Variants in GTF2IRD1 observed in about 807,000 individuals in gnomAD.
GTF2IRD1 encodes the protein general transcription factor II-I repeat domain-containing protein 1.
Under a neutral mutation model 113.2 loss-of-function variants are expected in GTF2IRD1, and 26 were observed. The observed-to-expected ratio is 0.23, with a 90% CI of 0.17 to 0.32. The LOEUF (loss-of-function observed/expected upper bound fraction) is 0.32. Among genes scored for constraint, GTF2IRD1 ranks in the 10% least tolerant of loss-of-function variants. The pLI is 1.00. For synonymous variants in GTF2IRD1, 484 were observed against 529.1 expected (o/e 0.91, Z 1.17); for missense variants, 864 against 1,280.8 (o/e 0.67, Z 4.97).
At chr7:74,596,375 G>A (rs1201374031) in intron 25 of GTF2IRD1, among the ~76,000 whole-genome samples, 4 of 149,734 alleles carry the variant, frequency 2.7e-5, no homozygotes, top group Admixed American at 1.4e-4. Context: ...TAGGAGGATC[G>A]CTTGAACCTA....
chr7:74,541,239 C>G (rs1669094392), intron 14 of GTF2IRD1, among the ~76,000 whole-genome samples: 1 of 151,970 alleles, frequency 6.6e-6, no homozygotes, highest in African/African-American at 2.4e-5. Context: ...GCCTGTAATT[C>G]CAGCACTTTG....
intron 8 of GTF2IRD1, among the ~76,000 whole-genome samples, chr7:74,528,900 T>C (rs1797783156): frequency 6.9e-6 from 1 of 144,210 alleles, no homozygotes; most frequent in Non-Finnish European, 1.5e-5. Context: ...GATGGATGGA[T>C]GGATGGATGG....
At chr7:74,523,313 C>T (rs1775201866) in intron 7 of GTF2IRD1, among the ~76,000 whole-genome samples, 2 of 151,904 alleles carry the variant, frequency 1.3e-5, no homozygotes, top group African/African-American at 2.4e-5. Flanking sequence ...ATCACGTGAG[C>T]CCAGGAGTTC....
rs191822965 is a variant in GTF2IRD1, at chr7:74,499,772, G to A, written c.-6-8303G>A. On this transcript the variant is annotated intron_variant, in intron 1 of 26. Transcript: ENST00000424337. ...AATGCATACACCAAGGAATGAATGA[G>A]TGTTCACACCAAGGAATGAGTGAGT... 6.6e-5 allele frequency among the ~76,000 whole-genome samples: 10 copies of A among 152,174 alleles called. No homozygotes were observed. The East Asian group carries it at 1.9e-3, about 29-fold the overall frequency.
chr7:74,535,089 T>C, intron 9 of GTF2IRD1, 24 bp from the exon 10 acceptor site: 1 of 1,609,884 alleles, frequency 6.2e-7, no homozygotes, highest in Non-Finnish European at 8.5e-7. Context: ...ACTGTTCTCA[T>C]GCCTGTCTCT....
intron 3 of GTF2IRD1, chr7:74,515,219 G>A (rs1198578277): frequency 2.4e-6 from 2 of 820,620 alleles, no homozygotes; most frequent in African/African-American, 3.4e-5. Context: ...GTGACCAGAG[G>A]TGAGGCCCAG....
At chr7:74,484,976 T>A (rs1217397563) in intron 1 of GTF2IRD1, among the ~76,000 whole-genome samples, 1 of 152,090 alleles carries the variant, frequency 6.6e-6, no homozygotes, top group Non-Finnish European at 1.5e-5. Context: ...ATCTGAGAAA[T>A]CGCCTCTTTC....
intron 15 of GTF2IRD1, 111 bp from the exon 16 acceptor site, chr7:74,545,631 CTT>C: frequency 5.1e-6 from 4 of 786,240 alleles, no homozygotes; most frequent in Admixed American, 1.9e-5. Flanking sequence ...CAGCCCCAGC[CTT>C]CCCCCATTCC....
intron 9 of GTF2IRD1, 95 bp from the exon 10 acceptor site, chr7:74,535,018 G>T: frequency 1.0e-6 from 1 of 991,708 alleles, no homozygotes; most frequent in South Asian, 1.3e-5. Context: ...GTCACTCAGT[G>T]ACCATCACCA....
intron 22 of GTF2IRD1, chr7:74,572,589 G>A: frequency 1.0e-6 from 1 of 981,056 alleles, no homozygotes; most frequent in Non-Finnish European, 1.2e-6. Context: ...CCTCCCTTCT[G>A]CTGCCCAAGA....
chr7:74,496,991 A>G (rs1193545161), intron 1 of GTF2IRD1, among the ~76,000 whole-genome samples: 1 of 151,828 alleles, frequency 6.6e-6, no homozygotes. Context: ...GCAAGACCCC[A>G]TCTCTACAAA....
At chr7:74,526,083 C>T (rs1562835547) in intron 8 of GTF2IRD1, among the ~76,000 whole-genome samples, 2 of 152,194 alleles carry the variant, frequency 1.3e-5, no homozygotes, top group Admixed American at 1.3e-4. Flanking sequence ...TCTCTCCCCG[C>T]CCCAGGCAGG....
intron 12 of GTF2IRD1, 21 bp from the exon 13 acceptor site, chr7:74,538,659 T>A (rs1554350847): frequency 3.5e-6 from 5 of 1,438,790 alleles, no homozygotes; most frequent in Non-Finnish European, 4.9e-6. Flanking sequence ...CTTGACAGGA[T>A]TCTTCCTTTC....
At chr7:74,568,144 A>T (rs782816206) in intron 22 of GTF2IRD1, among the ~76,000 whole-genome samples, 16 of 151,740 alleles carry the variant, frequency 1.1e-4, no homozygotes, top group Non-Finnish European at 1.9e-4. Context: ...GATTCAGTAG[A>T]GAGGGAAGTG....
rs587612298 is a variant in GTF2IRD1 at position 74,548,517 on chromosome 7, C to T, written c.1916+1231C>T. Among the ~76,000 whole-genome samples the T allele has an allele frequency of 5.9e-5, 9 of 152,106 alleles. No individual in the cohort carries two copies. In the South Asian group the frequency reaches 1.9e-3, roughly 32 times the overall value. On this transcript the variant is annotated intron_variant, in intron 17 of 26. Transcript: ENST00000424337. ...AGGAACAGTGGCTCATGCCTATAATCCCAGCACTTTGGGAAGCTGAGGTGG... is the reference window on the plus strand; with the variant it reads ...AGGAACAGTGGCTCATGCCTATAATTCCAGCACTTTGGGAAGCTGAGGTGG...
chr7:74,581,180 C>T (rs587653976), intron 22 of GTF2IRD1, among the ~76,000 whole-genome samples: 16 of 152,230 alleles, frequency 1.1e-4, no homozygotes, highest in South Asian at 6.2e-4. Flanking sequence ...CCACTATGCC[C>T]GGCTAATTTT....
chr7:74,493,287 T>G (rs548607924), intron 1 of GTF2IRD1, among the ~76,000 whole-genome samples: 1 of 151,604 alleles, frequency 6.6e-6, no homozygotes. Flanking sequence ...TTTTTTTTTA[T>G]TTTTTGTAGA....
Position 74,601,026 on chromosome 7 carries a change from CT to C in GTF2IRD1, c.2630-14del. On this transcript the variant is annotated splice_polypyrimidine_tract_variant and intron_variant, in intron 25 of 26. Transcript: ENST00000424337. Reference sequence around the variant, plus strand: ...AGCCTCAGCTTCCAGTGTCAACAGCCTTTTCCCCTCCTTCCAGCCAAAGACA... The same window carrying C: ...AGCCTCAGCTTCCAGTGTCAACAGCCTTTCCCCTCCTTCCAGCCAAAGACA... The C allele has an allele frequency of 6.2e-7, 1 of 1,613,950 alleles. No homozygotes were observed.
intron 1 of GTF2IRD1, 93 bp downstream of exon 1, chr7:74,454,269 G>C (rs1159630774): frequency 3.6e-5 from 5 of 138,010 alleles, no homozygotes; most frequent in African/African-American, 7.8e-5. Flanking sequence ...CGGGGGGGGG[G>C]GTCCCCGCCC....
Sources: gnomAD v4.1 joint callset for allele counts (sites outside exome capture counted in the v4.1 genomes callset) on GRCh38, gnomAD v4.1.1 for gene constraint, MANE v1.5 for transcripts, NCBI Gene and HGNC (gene_info 2026-07-23, HGNC 2026-07-21) for gene names.